The following TBCD variants were observed in gnomAD, a reference collection of about 807,000 sequenced individuals.
TBCD encodes tubulin-specific chaperone D.
In TBCD, 105 loss-of-function variants were observed where a neutral mutation model predicts 169.3. That is an observed-to-expected ratio of 0.62 (90% CI 0.53 to 0.73). The LOEUF is 0.73. Ranked by LOEUF, TBCD falls within the 30% of genes least tolerant of loss-of-function variation. The probability of loss-of-function intolerance (pLI) is 0.00; values close to 1 mark genes in which losing one functional copy is unlikely to be tolerated. For missense variants in TBCD, 1,444 were observed against 1,600.1 expected (o/e 0.90, Z 1.66); for synonymous variants, 700 against 643.9 (o/e 1.09, Z -1.32).
At chr17:82,838,864 C>T (rs925490240) in intron 13 of TBCD, 7 of 985,302 alleles carry the variant, frequency 7.1e-6, no homozygotes, top group Non-Finnish European at 7.2e-6. Flanking sequence ...ACTTTACAGT[C>T]GCCGCCTCAT....
At chr17:82,900,983 G>A (rs1036866024) in intron 18 of TBCD, among the ~76,000 whole-genome samples, 13 of 152,368 alleles carry the variant, frequency 8.5e-5, no homozygotes, top group East Asian at 3.9e-4. Flanking sequence ...CCACGCTGGC[G>A]TGTTGTGGAG....
At chr17:82,828,085 T>G (rs1274892169) in intron 13 of TBCD, among the ~76,000 whole-genome samples, 1 of 138,268 alleles carries the variant, frequency 7.2e-6, no homozygotes, top group African/African-American at 2.8e-5. Context: ...ATCCACACAA[T>G]CGAATGCACA....
intron 30 of TBCD, among the ~76,000 whole-genome samples, chr17:82,928,440 G>T (rs3785511): frequency 0.87 from 132,033 of 152,048 alleles, 57,712 homozygotes; most frequent in African/African-American, 0.96. Flanking sequence ...TCGGGGGCAC[G>T]GGGTTGTGGG....
chr17:82,937,984 G>C, intron 35 of TBCD, 65 bp from the exon 36 acceptor site: 1 of 1,595,306 alleles, frequency 6.3e-7, no homozygotes, highest in East Asian at 2.3e-5. Context: ...CTTTGGGTCC[G>C]GGGTTTGCTG....
At chr17:82,834,783 T>C (rs575451190) in intron 13 of TBCD, among the ~76,000 whole-genome samples, 1 of 152,228 alleles carries the variant, frequency 6.6e-6, no homozygotes. Context: ...GCTTAAAACC[T>C]AGATGATCGG....
At chr17:82,762,579 T>A (rs1020498621) in intron 2 of TBCD, among the ~76,000 whole-genome samples, 4 of 151,840 alleles carry the variant, frequency 2.6e-5, no homozygotes, top group African/African-American at 7.3e-5. Flanking sequence ...TAAAACCCCA[T>A]CTCTACTAAA....
rs536952987 is a variant in TBCD at position 82,832,683 on chromosome 17, G to A, written c.1318+17749G>A. The A allele has an allele frequency of 1.9e-5, 11 of 582,016 alleles. No homozygotes were observed. The highest frequency in any genetic ancestry group is 4.6e-4 in the Middle Eastern group (1 of 2,158). The allele number at this position is 582,016 out of a possible 1,614,324, so 36.1% of individuals were successfully genotyped here. A position where few individuals can be genotyped will look rare whatever the true frequency, so the allele number is the denominator to read the frequency against. ...GTGTCAGGACAGCGAGTGAGGGGTC[G>A]GCGAGAAGCCGGCCTCGGCTCGCCA... is the stretch of plus-strand genomic sequence containing the variant. On this transcript the variant is annotated intron_variant, in intron 13 of 38. Transcript: ENST00000355528. The surrounding 1 kb of genome is among the most constrained non-coding windows in gnomAD (Gnocchi z 4.9).
chr17:82,826,299 G>A (rs1598738293), intron 13 of TBCD, among the ~76,000 whole-genome samples: 1 of 151,412 alleles, frequency 6.6e-6, no homozygotes, highest in South Asian at 2.1e-4. Context: ...TTTAGATTGG[G>A]TTTTAAAAAA....
At chr17:82,860,286 C>T (rs1598998504) in intron 13 of TBCD, 12 of 845,968 alleles carry the variant, frequency 1.4e-5, no homozygotes, top group African/African-American at 3.7e-5. Flanking sequence ...GGAGGGCCCC[C>T]GCCCCCTGCA....
At chr17:82,758,084 C>G (rs1342654321) in intron 2 of TBCD, among the ~76,000 whole-genome samples, 1 of 151,922 alleles carries the variant, frequency 6.6e-6, no homozygotes, top group East Asian at 1.9e-4. Context: ...GAGTTATTTT[C>G]TTTCTTTGCA....
rs1444785700 is a variant in TBCD, at chr17:82,915,613, T to A, written c.2038+3824T>A. Among the ~76,000 whole-genome samples, 2 of 152,210 alleles carry A rather than the reference T, an allele frequency of 1.3e-5. No homozygotes were observed. The highest frequency in any genetic ancestry group is 4.8e-5 in the African/African-American group (2 of 41,448). The stretch of plus-strand genomic sequence containing the variant: ...GTCAGGGTGGACTGCGTTTTGCTCT[T>A]GAAACAATCCCCAAGTTTCAGTGTC... On this transcript the variant is annotated intron_variant, in intron 23 of 38. Coordinates refer to ENST00000355528, the MANE Select transcript of TBCD (RefSeq NM_005993.5). The surrounding 1 kb of genome is among the most constrained non-coding windows in gnomAD (Gnocchi z 4.3).
At chr17:82,926,357 G>C in intron 27 of TBCD, 43 bp from the exon 28 acceptor site, 1 of 1,596,354 alleles carries the variant, frequency 6.3e-7, no homozygotes, top group African/African-American at 1.3e-5. Context: ...AGTGCACTTT[G>C]TTATAGCTTA....
chr17:82,788,622 C>T (rs2049478400), intron 7 of TBCD, among the ~76,000 whole-genome samples: 1 of 152,168 alleles, frequency 6.6e-6, no homozygotes, highest in African/African-American at 2.4e-5. Flanking sequence ...CACTGTCAGC[C>T]TCACTCCCAG....
At chr17:82,837,688 G>A (rs2054107815) in intron 13 of TBCD, among the ~76,000 whole-genome samples, 1 of 152,218 alleles carries the variant, frequency 6.6e-6, no homozygotes, top group South Asian at 2.1e-4. Flanking sequence ...TGGATCGGCA[G>A]GAAGCGTTAG....
Position 82,944,671 on chromosome 17 carries a change from C to A in TBCD, c.*2208C>A, listed in dbSNP as rs2063555430. On this transcript the variant is annotated 3_prime_UTR_variant, in exon 39 of 39. Coordinates refer to ENST00000355528, the MANE Select transcript of TBCD (RefSeq NM_005993.5). ...TTAGAGAGCAGCAAGAAGCCAGTATCCCTGGGACCGGGGAGCTGATGTGGG... is the reference window on the plus strand; with the variant it reads ...TTAGAGAGCAGCAAGAAGCCAGTATACCTGGGACCGGGGAGCTGATGTGGG... 1 of 152,176 alleles carries A rather than the reference C, an allele frequency of 6.6e-6. No homozygotes were observed. 9.4% of individuals were successfully genotyped at this position (152,176 alleles called of 1,614,324 possible).
At chr17:82,846,319 C>CATGCCACGTCT (rs1289886029) in intron 13 of TBCD, among the ~76,000 whole-genome samples, 1 of 74,768 alleles carries the variant, frequency 1.3e-5, no homozygotes, top group African/African-American at 4.1e-5. Flanking sequence ...CTGCGTCCAG[C>CATGCCACGTCT]GTGCCGTGTC....
rs2146255083 is a variant in TBCD, at chr17:82,884,184, C to G, written c.1515C>G (p.Asn505Lys). ...VIAAVFDRDI[N>K]CRRAASAAFQ... is the part of the protein sequence containing the mutation. ...CTGCGGTGTTTGACCGAGACATAAA[C>G]TGCAGAAGAGCAGCCTCTGTAAGTT... Residue 505 changes from asparagine to lysine, a missense_variant, in exon 15 of 39, where the codon AAC becomes AAG. Physicochemically the swap from Asn to Lys is moderately conservative, Grantham distance 94. Transcript: ENST00000355528. The surrounding 1 kb of genome is among the most constrained non-coding windows in gnomAD (Gnocchi z 4.2). 1 of 1,610,624 alleles carries G rather than the reference C, an allele frequency of 6.2e-7. No homozygotes were observed.
intron 2 of TBCD, among the ~76,000 whole-genome samples, chr17:82,758,804 C>T (rs529887986): frequency 9.2e-4 from 140 of 151,532 alleles, no homozygotes; most frequent in Non-Finnish European, 1.5e-3. Context: ...GGATTACAGG[C>T]GTGTGCTACC....
Position 82,920,248 on chromosome 17 carries a change from G to A in TBCD, c.2039-308G>A, listed in dbSNP as rs1038120639. On this transcript the variant is annotated intron_variant, in intron 23 of 38. Coordinates refer to ENST00000355528, the MANE Select transcript of TBCD (RefSeq NM_005993.5). This position sits in a 1 kb window ranked among gnomAD's most constrained non-coding sequence, Gnocchi z 4.1. ...TTCCCGTACAGCCTGTCACAGGGACGTCTGCAGCTCCCTGACAGGCCGGCC... is the reference window on the plus strand; with the variant it reads ...TTCCCGTACAGCCTGTCACAGGGACATCTGCAGCTCCCTGACAGGCCGGCC... 1.3e-5 allele frequency among the ~76,000 whole-genome samples: 2 copies of A among 152,356 alleles called. No individual in the cohort carries two copies. Among genetic ancestry groups the A allele is most frequent in the African/African-American group, 2.4e-5 (1 of 41,590 alleles).
Sources: allele counts gnomAD v4.1 joint callset (sites outside exome capture counted in the v4.1 genomes callset), GRCh38; gene constraint gnomAD v4.1.1; non-coding constraint Gnocchi (gnomAD v3.1); transcripts MANE v1.5; gene names NCBI Gene and HGNC (gene_info 2026-07-23, HGNC 2026-07-21).